The following TRDN variants were observed in gnomAD, a reference collection of about 807,000 sequenced individuals.
The protein encoded by TRDN is triadin, also known as triadin in skeletal muscle.
Under a neutral mutation model 149.7 loss-of-function variants are expected in TRDN, and 161 were observed. The observed-to-expected ratio is 1.08, with a 90% CI of 0.95 to 1.23. The LOEUF (loss-of-function observed/expected upper bound fraction) is 1.23, where lower values mean the gene tolerates loss of function less well. Ranked by LOEUF, TRDN falls within the 50% of genes most tolerant of loss-of-function variation. The probability of loss-of-function intolerance (pLI) is 0.00; values close to 1 mark genes in which losing one functional copy is unlikely to be tolerated. For synonymous variants in TRDN, 294 were observed against 250.5 expected (o/e 1.17, Z -1.64); for missense variants, 896 against 823.5 (o/e 1.09, Z -1.08).
chr6:123,237,341 G>A (rs1451275362), intron 38 of TRDN, among the ~76,000 whole-genome samples: 1 of 151,814 alleles, frequency 6.6e-6, no homozygotes, highest in Non-Finnish European at 1.5e-5. Flanking sequence ...ACTCTGCCTC[G>A]CTGGTTCAAG....
intron 12 of TRDN, chr6:123,434,182 G>T (rs963098626): frequency 2.6e-5 from 4 of 152,182 alleles, no homozygotes; most frequent in Non-Finnish European, 4.4e-5. Context: ...ATCTCTTATT[G>T]TATGAATTTT....
At chr6:123,482,596 T>C (rs1777795115) in intron 9 of TRDN, among the ~76,000 whole-genome samples, 1 of 152,192 alleles carries the variant, frequency 6.6e-6, no homozygotes, top group African/African-American at 2.4e-5. Flanking sequence ...ATGTAAACAT[T>C]GTCATGAATT....
intron 37 of TRDN, among the ~76,000 whole-genome samples, chr6:123,252,721 A>G (rs1005117679): frequency 1.3e-5 from 2 of 152,094 alleles, no homozygotes; most frequent in African/African-American, 2.4e-5. Flanking sequence ...CCTGTGCTCA[A>G]GCAATCCTCC....
chr6:123,415,463 G>A (rs1022976699), intron 12 of TRDN, among the ~76,000 whole-genome samples: 6 of 152,170 alleles, frequency 3.9e-5, no homozygotes, highest in Admixed American at 1.3e-4. Context: ...ACTTGCAGGT[G>A]ACTGAGGCAA....
intron 15 of TRDN, 121 bp downstream of exon 15, chr6:123,381,997 A>G: frequency 1.8e-6 from 1 of 569,718 alleles, no homozygotes; most frequent in Middle Eastern, 3.8e-4. Flanking sequence ...CTCAATCTCA[A>G]TCATTTTTTC....
intron 5 of TRDN, among the ~76,000 whole-genome samples, chr6:123,524,656 C>CA (rs893542970): frequency 1.3e-5 from 2 of 151,846 alleles, no homozygotes; most frequent in African/African-American, 4.8e-5. Flanking sequence ...TTAATACCAC[C>CA]AAAAAACAAA....
At chr6:123,516,417 T>C (rs1355811620) in intron 5 of TRDN, among the ~76,000 whole-genome samples, 2 of 152,070 alleles carry the variant, frequency 1.3e-5, no homozygotes, top group South Asian at 2.1e-4. Context: ...AAGCACAAAC[T>C]AGTACCCAAA....
intron 18 of TRDN, 53 bp from the exon 19 acceptor site, chr6:123,375,684 T>A: frequency 7.5e-7 from 1 of 1,326,056 alleles, no homozygotes; most frequent in Non-Finnish European, 1.0e-6. Context: ...TCTGCTTATC[T>A]CTTTCCAAAA....
At chr6:123,499,719 A>AAAAAAAAAAAAAATATATATATAT in intron 8 of TRDN, among the ~76,000 whole-genome samples, 10 of 47,666 alleles carry the variant, frequency 2.1e-4, no homozygotes, top group African/African-American at 5.7e-4. Flanking sequence ...AAAAAAAAAA[A>AAAAAAAAAAAAAATATATATATAT]ATATATATAT....
At chr6:123,467,574 C>G (rs1776904991) in intron 9 of TRDN, among the ~76,000 whole-genome samples, 1 of 152,052 alleles carries the variant, frequency 6.6e-6, no homozygotes, top group African/African-American at 2.4e-5. Flanking sequence ...GGCTGCCTGT[C>G]TCCATGGTGA....
intron 9 of TRDN, among the ~76,000 whole-genome samples, chr6:123,484,073 A>C (rs1321330403): frequency 6.6e-6 from 1 of 152,150 alleles, no homozygotes; most frequent in Non-Finnish European, 1.5e-5. Context: ...TGCTACAATC[A>C]GTAACGTTAA....
intron 38 of TRDN, among the ~76,000 whole-genome samples, chr6:123,241,544 GA>G (rs1300525250): frequency 4.0e-5 from 6 of 151,094 alleles, no homozygotes; most frequent in Non-Finnish European, 7.4e-5. Context: ...ATAAAGGAAG[GA>G]AAAAAATGCA....
chr6:123,245,585 G>A (rs1362931204), intron 38 of TRDN, among the ~76,000 whole-genome samples: 1 of 152,036 alleles, frequency 6.6e-6, no homozygotes, highest in East Asian at 1.9e-4. Flanking sequence ...CACCCGGATT[G>A]ATAAAGCAAG....
At chr6:123,238,228 A>T (rs1381701644) in intron 38 of TRDN, among the ~76,000 whole-genome samples, 1 of 152,190 alleles carries the variant, frequency 6.6e-6, no homozygotes, top group South Asian at 2.1e-4. Context: ...TGGCAAACAT[A>T]TAAGTACAGA....
chr6:123,563,292 A>G (rs1782098393), intron 2 of TRDN, among the ~76,000 whole-genome samples: 2 of 152,214 alleles, frequency 1.3e-5, no homozygotes, highest in African/African-American at 4.8e-5. Context: ...AACCTGGAAT[A>G]CTTCCAGCTA....
intron 22 of TRDN, among the ~76,000 whole-genome samples, chr6:123,334,902 C>T (rs1779805293): frequency 6.6e-6 from 1 of 152,000 alleles, no homozygotes; most frequent in South Asian, 2.1e-4. Context: ...TGGATGTACA[C>T]ATGCAGGCGG....
intron 20 of TRDN, among the ~76,000 whole-genome samples, chr6:123,360,720 GGA>G (rs71541228): frequency 0.2 from 27,983 of 142,946 alleles, 3,571 homozygotes; most frequent in East Asian, 0.63. Flanking sequence ...AGAGAGAGAC[GGA>G]GAGAGAGAGA....
intron 1 of TRDN, among the ~76,000 whole-genome samples, chr6:123,614,594 T>A: frequency 6.6e-6 from 1 of 151,772 alleles, no homozygotes; most frequent in East Asian, 1.9e-4. Flanking sequence ...AATTTTAATC[T>A]AAATTTATTT....
intron 5 of TRDN, among the ~76,000 whole-genome samples, chr6:123,529,853 T>G (rs1780146014): frequency 6.6e-6 from 1 of 152,052 alleles, no homozygotes; most frequent in Non-Finnish European, 1.5e-5. Context: ...TCTTGCTTCC[T>G]ATTAGTTTCT....
Sources: allele counts gnomAD v4.1 joint callset (sites outside exome capture counted in the v4.1 genomes callset), GRCh38; gene constraint gnomAD v4.1.1; transcripts MANE v1.5; gene names NCBI Gene and HGNC (gene_info 2026-07-23, HGNC 2026-07-21).